The following NCOA6 variants were observed in gnomAD, a reference collection of about 807,000 sequenced individuals.
NCOA6 encodes the protein NRC RAP250.
In NCOA6, 49 loss-of-function variants were observed where a neutral mutation model predicts 171.4. That is an observed-to-expected ratio of 0.29 (90% CI 0.23 to 0.36). The LOEUF (loss-of-function observed/expected upper bound fraction) is 0.36. Ranked by LOEUF, NCOA6 falls within the 10% of genes least tolerant of loss-of-function variation. The pLI is 1.00. For synonymous variants in NCOA6, 910 were observed against 927.5 expected (o/e 0.98, Z 0.34); for missense variants, 2,248 against 2,554.5 (o/e 0.88, Z 2.59).
chr20:34,740,281 A>T, intron 11 of NCOA6, 82 bp downstream of exon 11: 1 of 1,496,558 alleles, frequency 6.7e-7, no homozygotes, highest in Non-Finnish European at 9.0e-7. Flanking sequence ...TCCTCCAAGT[A>T]AAAAAGGAGT....
Position 34,740,354 on chromosome 20 carries a change from A to G in NCOA6, c.5893+9T>C. 1 of 1,608,416 alleles carries G rather than the reference A, an allele frequency of 6.2e-7. No homozygotes were observed. Among genetic ancestry groups the G allele is most frequent in the African/African-American group, 1.3e-5 (1 of 74,948 alleles). On this transcript the variant is annotated intron_variant, in intron 11 of 14. Coordinates refer to ENST00000359003, the MANE Select transcript of NCOA6 (RefSeq NM_014071.5). ...GACACAAAGAGATGATGAAGCCCCA[A>G]GTACATACCTATGCTGGGTAGAAGT...
intron 1 of NCOA6, among the ~76,000 whole-genome samples, chr20:34,805,041 C>CT (rs1281419023): frequency 2.0e-5 from 3 of 150,800 alleles, no homozygotes; most frequent in African/African-American, 7.3e-5. Context: ...ATTTCTTATA[C>CT]CCTTTTTTTT....
intron 1 of NCOA6, among the ~76,000 whole-genome samples, chr20:34,816,454 C>A (rs2078838466): frequency 6.6e-6 from 1 of 152,126 alleles, no homozygotes; most frequent in African/African-American, 2.4e-5. Context: ...CATGTGACAA[C>A]AGAGGCAAAG....
Position 34,768,445 on chromosome 20 carries a change from A to C in NCOA6, c.514+19T>G. The C allele has an allele frequency of 6.2e-7, 1 of 1,612,558 alleles. No individual in the cohort carries two copies. Among genetic ancestry groups the C allele is most frequent in the Non-Finnish European group, 8.5e-7 (1 of 1,179,572 alleles). On this transcript the variant is annotated intron_variant, in intron 5 of 14. Coordinates refer to ENST00000359003, the MANE Select transcript of NCOA6 (RefSeq NM_014071.5). Reference sequence around the variant, plus strand: ...AAGGAAACTAGTAAAATGTCATACAATTGAGTGGGAGGTCTTACCTGGACC... The same window carrying C: ...AAGGAAACTAGTAAAATGTCATACACTTGAGTGGGAGGTCTTACCTGGACC...
intron 1 of NCOA6, among the ~76,000 whole-genome samples, chr20:34,811,972 G>A (rs999675912): frequency 2.0e-5 from 3 of 152,084 alleles, no homozygotes; most frequent in South Asian, 4.1e-4. Flanking sequence ...CATGGTGGCC[G>A]GGCACGGTGG....
In NCOA6 at chr20:34,757,201, T is replaced by C. The variant is rs1467599013; in HGVS notation, c.1528+19A>G. 5.2e-6 allele frequency: 8 copies of C among 1,533,046 alleles called. No homozygotes were observed. Among genetic ancestry groups the C allele is most frequent in the South Asian group, 5.1e-5 (4 of 77,680 alleles). 95.0% of individuals were successfully genotyped at this position (1,533,046 alleles called of 1,614,324 possible). A position where few individuals can be genotyped will look rare whatever the true frequency, so the allele number is the denominator to read the frequency against. On this transcript the variant is annotated intron_variant, in intron 7 of 14. Transcript: ENST00000359003. ...GCTCCAGCAAATTTACCAACACAAA[T>C]AGCTACAGTGTTCCTCACCTCCTAG... is the stretch of plus-strand genomic sequence containing the variant.
chr20:34,823,677 C>T (rs2079071250), intron 1 of NCOA6, among the ~76,000 whole-genome samples: 1 of 151,904 alleles, frequency 6.6e-6, no homozygotes, highest in South Asian at 2.1e-4. Flanking sequence ...GTGGTAAACA[C>T]CTAGAAGAGA....
At chr20:34,761,874 T>C (rs2145876189) in intron 5 of NCOA6, among the ~76,000 whole-genome samples, 1 of 152,282 alleles carries the variant, frequency 6.6e-6, no homozygotes, top group Admixed American at 6.5e-5. Context: ...CAGGCTGGTC[T>C]TGAACTCCTG....
intron 14 of NCOA6, among the ~76,000 whole-genome samples, chr20:34,724,965 T>C (rs1179574612): frequency 6.6e-6 from 1 of 152,002 alleles, no homozygotes; most frequent in African/African-American, 2.4e-5. Flanking sequence ...ATTTTTGTAT[T>C]TTAAGTAGAG....
At chr20:34,802,086 CA>C (rs1362138736) in intron 1 of NCOA6, among the ~76,000 whole-genome samples, 1 of 151,998 alleles carries the variant, frequency 6.6e-6, no homozygotes, top group Non-Finnish European at 1.5e-5. Context: ...AAAGAAACAT[CA>C]AAAAAAGATG....
intron 3 of NCOA6, among the ~76,000 whole-genome samples, chr20:34,778,070 A>C (rs953049695): frequency 2.6e-5 from 4 of 152,166 alleles, no homozygotes; most frequent in African/African-American, 4.8e-5. Flanking sequence ...ACGCCCAGCT[A>C]ATTTTTGTAT....
At chr20:34,762,737 T>C (rs916984823) in intron 5 of NCOA6, among the ~76,000 whole-genome samples, 1 of 152,208 alleles carries the variant, frequency 6.6e-6, no homozygotes, top group African/African-American at 2.4e-5. Context: ...CATTCCTTCT[T>C]AGATCTTATT....
intron 1 of NCOA6, among the ~76,000 whole-genome samples, chr20:34,806,367 CCTCA>C (rs2078450960): frequency 1.3e-5 from 2 of 152,192 alleles, no homozygotes; most frequent in Non-Finnish European, 2.9e-5. Context: ...CAGGTTATCT[CCTCA>C]CTGTTTCCTT....
chr20:34,794,367 C>T (rs921782201), intron 1 of NCOA6, among the ~76,000 whole-genome samples: 1 of 152,140 alleles, frequency 6.6e-6, no homozygotes, highest in East Asian at 1.9e-4. Flanking sequence ...CCTACAGATA[C>T]ACTTATCATC....
chr20:34,754,678 C>T (rs1428168659), intron 8 of NCOA6, 44 bp downstream of exon 8: 2 of 1,612,356 alleles, frequency 1.2e-6, no homozygotes, highest in South Asian at 1.1e-5. Flanking sequence ...GTCTACGACA[C>T]AATGCTCAAT....
intron 5 of NCOA6, among the ~76,000 whole-genome samples, chr20:34,761,211 C>G (rs1161026157): frequency 1.3e-5 from 2 of 152,158 alleles, no homozygotes; most frequent in Non-Finnish European, 2.9e-5. Context: ...TTATTTCCCT[C>G]ATAACTTACA....
chr20:34,757,867 T>C lies in NCOA6; in HGVS notation c.881A>G (p.His294Arg). 6.2e-7 allele frequency: 1 copy of C among 1,614,168 alleles called. No individual in the cohort carries two copies. Among genetic ancestry groups the C allele is most frequent in the East Asian group, 2.2e-5 (1 of 44,878 alleles). The change falls in exon 7 of 15, where the codon CAT becomes CGT. Residue 294 changes from histidine (H) to arginine (R), a missense_variant. Transcript: ENST00000359003. ...QQLQARPPQQ[H>R]QQQQPQGIRP... ...AATTCCCTGTGGCTGTTGCTGCTGA[T>C]GTTGCTGTGGGGGTCTTGCCTGCAA...
chr20:34,736,534 C>G (rs1425402308), intron 12 of NCOA6, among the ~76,000 whole-genome samples, 156 bp downstream of exon 12: 1 of 152,188 alleles, frequency 6.6e-6, no homozygotes, highest in Non-Finnish European at 1.5e-5. Flanking sequence ...TAGAACTGCA[C>G]AAGCTTTGTC....
At chr20:34,785,419 C>T (rs778201295) in intron 2 of NCOA6, among the ~76,000 whole-genome samples, 16 of 148,280 alleles carry the variant, frequency 1.1e-4, no homozygotes, top group Non-Finnish European at 2.1e-4. Flanking sequence ...ACAGCGAGAC[C>T]ATGTCTCAAT....
Sources: gnomAD v4.1 joint callset for allele counts (sites outside exome capture counted in the v4.1 genomes callset) on GRCh38, gnomAD v4.1.1 for gene constraint, MANE v1.5 for transcripts, NCBI Gene and HGNC (gene_info 2026-07-23, HGNC 2026-07-21) for gene names.